RSL24D1: variants seen among roughly 807,000 people sequenced by gnomAD.
RSL24D1 encodes probable ribosome biogenesis protein RLP24.
Under a neutral mutation model 26.2 loss-of-function variants are expected in RSL24D1, and 6 were observed. The ratio of observed to expected loss-of-function variants is 0.23; its 90% confidence interval spans 0.13 to 0.45. RSL24D1 has a LOEUF of 0.45. RSL24D1 is among the 20% of genes least tolerant of loss of function. The pLI, the probability that RSL24D1 is intolerant of heterozygous loss-of-function variation, is 0.99. For missense variants in RSL24D1, 176 were observed against 202.6 expected (o/e 0.87, Z 0.80); for synonymous variants, 61 against 59.1 (o/e 1.03, Z -0.15).
chr15:55,185,515 A>C (rs1394944007), intron 3 of RSL24D1, 90 bp from the exon 4 acceptor site: 1 of 885,890 alleles, frequency 1.1e-6, no homozygotes, highest in Non-Finnish European at 1.7e-6. Flanking sequence ...TATTATTCTG[A>C]TTTAGAAATG....
Position 55,196,900 on chromosome 15 carries a change from G to A in RSL24D1, c.-10C>T, listed in dbSNP as rs745786077. 6.2e-7 allele frequency: 1 copy of A among 1,613,744 alleles called. No individual in the cohort carries two copies. Among genetic ancestry groups the A allele is most frequent in the Middle Eastern group, 1.6e-4 (1 of 6,062 alleles). Reference sequence around the variant, plus strand: ...ACTTTTCGATACGCATGTTGAACCCGCGTGTAACCCCACCAAACAAACGCC... The same window carrying A: ...ACTTTTCGATACGCATGTTGAACCCACGTGTAACCCCACCAAACAAACGCC... On this transcript the variant is annotated 5_prime_UTR_variant, in exon 1 of 6. Coordinates refer to ENST00000260443, the MANE Select transcript of RSL24D1 (RefSeq NM_016304.3).
intron 1 of RSL24D1, chr15:55,195,175 G>T (rs1894341804): frequency 6.6e-6 from 1 of 152,052 alleles, no homozygotes; most frequent in African/African-American, 2.4e-5. Context: ...GATACAAAAG[G>T]TGAAAAGATT....
chr15:55,186,935 T>C (rs551641575), intron 3 of RSL24D1, among the ~76,000 whole-genome samples: 30 of 152,286 alleles, frequency 2.0e-4, no homozygotes, highest in Middle Eastern at 6.8e-3. Context: ...AAAATTAATT[T>C]AACAAAATGT....
chr15:55,196,460 C>A (rs1894357633), intron 1 of RSL24D1: 3 of 523,414 alleles, frequency 5.7e-6, no homozygotes, highest in South Asian at 4.6e-5. Context: ...GGTATACACT[C>A]AACAAAGTTT....
chr15:55,186,333 A>G (rs948164699), intron 3 of RSL24D1, among the ~76,000 whole-genome samples: 1 of 152,174 alleles, frequency 6.6e-6, no homozygotes, highest in African/African-American at 2.4e-5. Context: ...AAGTATACTT[A>G]TTAATTAAAA....
At chr15:55,196,051 T>C (rs1237180690) in intron 1 of RSL24D1, among the ~76,000 whole-genome samples, 1 of 152,224 alleles carries the variant, frequency 6.6e-6, no homozygotes, top group African/African-American at 2.4e-5. Context: ...ACGGGATTCA[T>C]TCTGTAATGA....
chr15:55,185,186 GATAA>G (rs1894211319), intron 4 of RSL24D1, among the ~76,000 whole-genome samples, 172 bp downstream of exon 4: 1 of 152,098 alleles, frequency 6.6e-6, no homozygotes. Context: ...TTGAGACAAG[GATAA>G]AGTAAATGTA....
chr15:55,192,837 C>G lies in RSL24D1; in HGVS notation c.82-4G>C, dbSNP rs561414175. On this transcript the variant is annotated splice_polypyrimidine_tract_variant and splice_region_variant and intron_variant, in intron 1 of 5. Coordinates refer to ENST00000260443, the MANE Select transcript of RSL24D1 (RefSeq NM_016304.3). ...TAGATTTGCAAAATCTGAACACCTA[C>G]AAGAAAAGTTAAAATATTGAGAAGT... is the stretch of plus-strand genomic sequence containing the variant. 3 of 1,589,292 alleles carry G rather than the reference C, an allele frequency of 1.9e-6. No homozygotes were observed. The African/African-American group carries it at 4.0e-5, about 21-fold the overall frequency.
At chr15:55,185,474 T>C (rs766665308) in intron 3 of RSL24D1, 49 bp from the exon 4 acceptor site, 1 of 1,331,620 alleles carries the variant, frequency 7.5e-7, no homozygotes, top group South Asian at 1.3e-5. Context: ...TCAAGCGGTA[T>C]GATCAACAAC....
chr15:55,196,746 G>C, intron 1 of RSL24D1, 64 bp downstream of exon 1: 1 of 1,529,400 alleles, frequency 6.5e-7, no homozygotes, highest in South Asian at 1.1e-5. Flanking sequence ...ACCCAGCACC[G>C]AGCCGCCGCG....
chr15:55,191,095 G>A, intron 2 of RSL24D1, 48 bp from the exon 3 acceptor site: 1 of 1,310,360 alleles, frequency 7.6e-7, no homozygotes, highest in Non-Finnish European at 1.1e-6. Context: ...AAGAAAGGTA[G>A]AAAGGAAACA....
chr15:55,184,470 A>C (rs1013384650), intron 4 of RSL24D1, among the ~76,000 whole-genome samples: 3 of 152,216 alleles, frequency 2.0e-5, no homozygotes, highest in Non-Finnish European at 4.4e-5. Flanking sequence ...TTCTTACATG[A>C]GAAAATCAAC....
chr15:55,193,278 TATAAC>T (rs1894318849), intron 1 of RSL24D1, among the ~76,000 whole-genome samples: 2 of 152,210 alleles, frequency 1.3e-5, no homozygotes. Context: ...AAACTGGTGA[TATAAC>T]AGATTCGTTT....
At chr15:55,184,357 A>G (rs1894201921) in intron 4 of RSL24D1, among the ~76,000 whole-genome samples, 1 of 152,244 alleles carries the variant, frequency 6.6e-6, no homozygotes, top group South Asian at 2.1e-4. Flanking sequence ...TAATGACAAT[A>G]AAGAATTATA....
Position 55,182,311 on chromosome 15 carries a change from A to G in RSL24D1, c.419-86T>C, listed in dbSNP as rs1894177094. On this transcript the variant is annotated intron_variant, in intron 5 of 5. Coordinates refer to ENST00000260443, the MANE Select transcript of RSL24D1 (RefSeq NM_016304.3). ...ACCAACACTTTATAAAGGATCTTGC[A>G]TGTTTTCAAGTAATATTAGCCACTC... 6 of 870,576 alleles carry G rather than the reference A, an allele frequency of 6.9e-6. No homozygotes were observed. The East Asian group carries it at 1.6e-4, about 23-fold the overall frequency. The allele number at this position is 870,576 out of a possible 1,614,324, so 53.9% of individuals were successfully genotyped here.
intron 3 of RSL24D1, among the ~76,000 whole-genome samples, chr15:55,188,139 T>C (rs1894243484): frequency 6.6e-6 from 1 of 152,208 alleles, no homozygotes; most frequent in African/African-American, 2.4e-5. Context: ...ACAACTCTTG[T>C]CAATAGATTA....
chr15:55,186,685 T>G (rs1894227680), intron 3 of RSL24D1, among the ~76,000 whole-genome samples: 1 of 152,094 alleles, frequency 6.6e-6, no homozygotes, highest in Admixed American at 6.5e-5. Flanking sequence ...TCTTACAAAT[T>G]TTGCTATAAA....
intron 4 of RSL24D1, 64 bp downstream of exon 4, chr15:55,185,298 C>G: frequency 7.8e-7 from 1 of 1,284,656 alleles, no homozygotes; most frequent in African/African-American, 1.6e-5. Context: ...TTAAAAAATA[C>G]TAATGCCTCT....
intron 3 of RSL24D1, 106 bp from the exon 4 acceptor site, chr15:55,185,531 A>C (rs1384466001): frequency 3.1e-5 from 25 of 806,836 alleles, no homozygotes; most frequent in Non-Finnish European, 4.6e-5. Flanking sequence ...AAATGAATTT[A>C]CATGAAAAAA....
Sources: gnomAD v4.1 joint callset for allele counts (sites outside exome capture counted in the v4.1 genomes callset) on GRCh38, gnomAD v4.1.1 for gene constraint, MANE v1.5 for transcripts, NCBI Gene and HGNC (gene_info 2026-07-23, HGNC 2026-07-21) for gene names.